TRPS1: variants seen among roughly 807,000 people sequenced by gnomAD.
TRPS1 encodes zinc finger transcription factor Trps1.
Under a neutral mutation model 101.2 loss-of-function variants are expected in TRPS1, and 6 were observed. The ratio of observed to expected loss-of-function variants is 0.06; its 90% CI spans 0.03 to 0.12. The LOEUF is 0.12. Ranked by LOEUF, TRPS1 falls within the 10% of genes least tolerant of loss-of-function variation. TRPS1 has a pLI of 1.00. For synonymous variants in TRPS1, 578 were observed against 589.8 expected, an observed-to-expected ratio of 0.98 and a Z score of 0.29; for missense variants, 1,363 against 1,567.0, an observed-to-expected ratio of 0.87 and a Z score of 2.20.
In TRPS1 at chr8:115,410,924, T is replaced by C. The variant is rs528841668; in HGVS notation, c.*3099A>G. On this transcript the variant is annotated 3_prime_UTR_variant, in exon 7 of 7. Transcript: ENST00000395715. ...AAAAAAAGTTCCGTACCATAATAGC[T>C]CGTTTAAAATCACAATTTAAGATAA... The C allele has an allele frequency of 6.6e-6, 1 of 151,928 alleles. No individual in the cohort carries two copies. The highest frequency in any genetic ancestry group is 1.9e-4 in the East Asian group (1 of 5,154). 9.4% of individuals were successfully genotyped at this position (151,928 alleles called of 1,614,324 possible).
chr8:115,420,442 A>G (rs1169728145), intron 5 of TRPS1, among the ~76,000 whole-genome samples: 1 of 152,218 alleles, frequency 6.6e-6, no homozygotes, highest in Non-Finnish European at 1.5e-5. Context: ...TTGCAAATAA[A>G]CACCAACTTG....
At chr8:115,649,066 GAC>G (rs1439953570) in intron 1 of TRPS1, among the ~76,000 whole-genome samples, 1 of 152,162 alleles carries the variant, frequency 6.6e-6, no homozygotes, top group Non-Finnish European at 1.5e-5. Flanking sequence ...GCCAAGAAGA[GAC>G]AGTTACTTAA....
At chr8:115,611,169 G>C (rs1189708930) in intron 3 of TRPS1, among the ~76,000 whole-genome samples, 1 of 151,018 alleles carries the variant, frequency 6.6e-6, no homozygotes, top group Non-Finnish European at 1.5e-5. Flanking sequence ...ATATTTTATA[G>C]GAAAAATAAA....
intron 5 of TRPS1, among the ~76,000 whole-genome samples, chr8:115,420,488 A>G (rs928521499): frequency 3.3e-5 from 5 of 152,204 alleles, no homozygotes; most frequent in African/African-American, 9.6e-5. Flanking sequence ...CCATTTGGAA[A>G]TTAACCCACA....
intron 5 of TRPS1, among the ~76,000 whole-genome samples, chr8:115,518,451 A>G (rs539856266): frequency 6.6e-6 from 1 of 151,918 alleles, no homozygotes; most frequent in African/African-American, 2.4e-5. Context: ...GAACACAAAT[A>G]TTATGCTATT....
At chr8:115,647,339 A>T (rs952877515) in intron 1 of TRPS1, among the ~76,000 whole-genome samples, 2 of 152,198 alleles carry the variant, frequency 1.3e-5, no homozygotes, top group Non-Finnish European at 2.9e-5. Flanking sequence ...GAATTAATTT[A>T]AAAATAAGCT....
chr8:115,663,993 C>T (rs2205267), intron 1 of TRPS1, among the ~76,000 whole-genome samples: 2,359 of 152,048 alleles, frequency 0.016, 21 homozygotes, highest in Non-Finnish European at 0.021. Context: ...CAACTGAGCA[C>T]TGTGATAGCT....
At chr8:115,468,853 T>A (rs1814392503) in intron 5 of TRPS1, among the ~76,000 whole-genome samples, 1 of 152,166 alleles carries the variant, frequency 6.6e-6, no homozygotes, top group African/African-American at 2.4e-5. Context: ...GCCATCAGAA[T>A]TTAAGGCCAG....
At chr8:115,593,564 A>G (rs1440738633) in intron 4 of TRPS1, among the ~76,000 whole-genome samples, 1 of 152,202 alleles carries the variant, frequency 6.6e-6, no homozygotes, top group Non-Finnish European at 1.5e-5. Context: ...AAGATCTTCA[A>G]TGTAATGTCA....
chr8:115,445,336 C>T (rs1173617375), intron 5 of TRPS1, among the ~76,000 whole-genome samples: 1 of 152,294 alleles, frequency 6.6e-6, no homozygotes, highest in South Asian at 2.1e-4. Context: ...TCCAAGCCTA[C>T]CTCGTCAGCT....
At chr8:115,665,767 G>A (rs1232178717) in intron 1 of TRPS1, among the ~76,000 whole-genome samples, 1 of 152,080 alleles carries the variant, frequency 6.6e-6, no homozygotes, top group Non-Finnish European at 1.5e-5. Flanking sequence ...AAGAGACAAA[G>A]GACAAAACCT....
intron 5 of TRPS1, among the ~76,000 whole-genome samples, chr8:115,446,237 A>C (rs1813731644): frequency 6.6e-6 from 1 of 152,032 alleles, no homozygotes; most frequent in Non-Finnish European, 1.5e-5. Flanking sequence ...TTTTTGAAAC[A>C]TCATCTACAT....
intron 3 of TRPS1, among the ~76,000 whole-genome samples, chr8:115,606,807 CAAAAAAAAA>C (rs72238288): frequency 1.6e-5 from 2 of 123,462 alleles, no homozygotes; most frequent in Admixed American, 8.1e-5. Flanking sequence ...GTTCATTTGC[CAAAAAAAAA>C]AAAAAAAAAA....
At chr8:115,576,258 A>G (rs1478029247) in intron 5 of TRPS1, among the ~76,000 whole-genome samples, 1 of 151,588 alleles carries the variant, frequency 6.6e-6, no homozygotes, top group Admixed American at 6.6e-5. Flanking sequence ...GTTGGAAATC[A>G]TATTTAAGAA....
At chr8:115,630,486 A>G (rs1283733242) in intron 1 of TRPS1, among the ~76,000 whole-genome samples, 2 of 151,998 alleles carry the variant, frequency 1.3e-5, no homozygotes, top group African/African-American at 4.8e-5. Flanking sequence ...AAATACACAT[A>G]TATAATTCCA....
intron 1 of TRPS1, among the ~76,000 whole-genome samples, chr8:115,642,371 A>G (rs1216756810): frequency 2.6e-5 from 4 of 152,150 alleles, no homozygotes; most frequent in African/African-American, 7.2e-5. Flanking sequence ...GAGCAAAAAA[A>G]TAATACAGAA....
At chr8:115,664,918 T>C (rs1427807968) in intron 1 of TRPS1, among the ~76,000 whole-genome samples, 2 of 152,126 alleles carry the variant, frequency 1.3e-5, no homozygotes, top group African/African-American at 4.8e-5. Flanking sequence ...CAGAGAAATC[T>C]TAATAAGAAT....
intron 5 of TRPS1, among the ~76,000 whole-genome samples, chr8:115,554,411 G>A (rs142845840): frequency 6.6e-5 from 10 of 152,204 alleles, no homozygotes; most frequent in South Asian, 6.2e-4. Flanking sequence ...GGGCATTTCC[G>A]TTATCACCAA....
At chr8:115,665,847 T>C (rs1055163674) in intron 1 of TRPS1, among the ~76,000 whole-genome samples, 1 of 152,214 alleles carries the variant, frequency 6.6e-6, no homozygotes, top group Non-Finnish European at 1.5e-5. Context: ...AGTAACTTGC[T>C]ACTTTCCACC....
Sources: allele counts gnomAD v4.1 joint callset (sites outside exome capture counted in the v4.1 genomes callset), GRCh38; gene constraint gnomAD v4.1.1; transcripts MANE v1.5; gene names NCBI Gene and HGNC (gene_info 2026-07-23, HGNC 2026-07-21).